Variants in ARHGAP21 observed in about 807,000 individuals in gnomAD.
The protein encoded by ARHGAP21 is Rho GTPase activating protein 21.
ARHGAP21 carries 38 observed loss-of-function variants against 164.6 expected under a neutral mutation model. The ratio of observed to expected loss-of-function variants is 0.23; its 90% confidence interval spans 0.18 to 0.30. The LOEUF is 0.30. ARHGAP21 is among the 10% of genes least tolerant of loss of function. The probability of loss-of-function intolerance (pLI) is 1.00; values close to 1 mark genes in which losing one functional copy is unlikely to be tolerated. For synonymous variants in ARHGAP21, 766 were observed against 857.9 expected, an observed-to-expected ratio of 0.89 and a Z score of 1.87; for missense variants, 1,822 against 2,370.7, an observed-to-expected ratio of 0.77 and a Z score of 4.81.
chr10:24,648,032 G>A (rs1474819327), intron 4 of ARHGAP21, among the ~76,000 whole-genome samples: 1 of 152,076 alleles, frequency 6.6e-6, no homozygotes, highest in Non-Finnish European at 1.5e-5. Flanking sequence ...AGAGACGAGG[G>A]TTTCACTGTG....
intron 2 of ARHGAP21, among the ~76,000 whole-genome samples, chr10:24,711,116 G>GGGAAGGAAGGAAGGAA (rs1191649348): frequency 6.1e-5 from 7 of 114,992 alleles, no homozygotes; most frequent in African/African-American, 2.4e-4. Flanking sequence ...AAAAAAAAAA[G>GGGAAGGAAGGAAGGAA]GGAAGGAAGG....
intron 2 of ARHGAP21, among the ~76,000 whole-genome samples, chr10:24,691,006 T>C (rs551679824): frequency 6.6e-6 from 1 of 152,104 alleles, no homozygotes; most frequent in African/African-American, 2.4e-5. Flanking sequence ...ACAGCTCTCA[T>C]ATAAAATTAC....
intron 2 of ARHGAP21, among the ~76,000 whole-genome samples, chr10:24,704,731 A>T (rs995691994): frequency 6.6e-6 from 1 of 151,962 alleles, no homozygotes; most frequent in African/African-American, 2.4e-5. Flanking sequence ...GGCCTCCCAA[A>T]GTGCTAGGAT....
chr10:24,584,733 C>T lies in ARHGAP21; in HGVS notation c.5556G>A (p.Trp1852Ter). 1 of 1,613,932 alleles carries T rather than the reference C, an allele frequency of 6.2e-7. No individual in the cohort carries two copies. Among genetic ancestry groups the T allele is most frequent in the Non-Finnish European group, 8.5e-7 (1 of 1,179,850 alleles). Reference protein sequence around the residue: ...CSAQDLSISDWLARERLRTST... With the variant: ...CSAQDLSISD ...TGGTGCGTAGGCGTTCCCTGGCCAG[C>T]CAGTCTGAGATGGAAAGGTCCTGGG... Residue 1852 changes from tryptophan to a stop codon, truncating the protein, a stop_gained, in exon 26 of 26, where the codon TGG becomes TGA. Coordinates refer to ENST00000396432, the MANE Select transcript of ARHGAP21 (RefSeq NM_020824.4). LOFTEE classifies it low-confidence loss of function (END_TRUNC).
At chr10:24,621,959 A>C (rs542739077) in intron 8 of ARHGAP21, among the ~76,000 whole-genome samples, 1 of 152,326 alleles carries the variant, frequency 6.6e-6, no homozygotes, top group Non-Finnish European at 1.5e-5. Flanking sequence ...TGCAAGTTTA[A>C]GAAATAAAGC....
chr10:24,635,882 AAATGTAAC>A (rs1836333972), intron 4 of ARHGAP21, among the ~76,000 whole-genome samples: 1 of 152,216 alleles, frequency 6.6e-6, no homozygotes, highest in African/African-American at 2.4e-5. Context: ...CTAAGCATTA[AAATGTAAC>A]AATGAACAAG....
chr10:24,628,225 C>A (rs753175534), intron 7 of ARHGAP21, among the ~76,000 whole-genome samples: 1 of 152,222 alleles, frequency 6.6e-6, no homozygotes, highest in Non-Finnish European at 1.5e-5. Flanking sequence ...AGGAAAATTA[C>A]TGCAGCAAAC....
intron 17 of ARHGAP21, 120 bp downstream of exon 17, chr10:24,596,620 G>A: frequency 7.2e-7 from 1 of 1,391,828 alleles, no homozygotes; most frequent in South Asian, 1.3e-5. Flanking sequence ...ACTAAGGTCT[G>A]CTATGAAAAG....
At position 24,597,478 on chromosome 10, in the gene ARHGAP21, C is replaced by T. The variant is rs1177712667; in HGVS notation, c.3303G>A (p.Lys1101=). ...TGAGAAGTTTCCTTTCCGACTCTTC[C>T]TTCGGAGAGTGTGGGCTTTGAGTCT... ...EPKTQSPHSP[K]EESERKLLSK... is the part of the protein sequence containing the mutation. The change falls in exon 16 of 26, where the codon AAG becomes AAA. Residue 1101 remains lysine, a synonymous_variant. Transcript: ENST00000396432. The T allele has an allele frequency of 1.2e-6, 2 of 1,613,930 alleles. No individual in the cohort carries two copies. Among genetic ancestry groups the T allele is most frequent in the Non-Finnish European group, 1.7e-6 (2 of 1,179,924 alleles).
At chr10:24,697,764 G>A (rs971136318) in intron 2 of ARHGAP21, among the ~76,000 whole-genome samples, 1 of 152,102 alleles carries the variant, frequency 6.6e-6, no homozygotes. Flanking sequence ...GGAGGCTGAG[G>A]CAGGAGAATC....
At chr10:24,648,261 C>CTA (rs542296219) in intron 4 of ARHGAP21, among the ~76,000 whole-genome samples, 99 of 152,318 alleles carry the variant, frequency 6.5e-4, no homozygotes, top group African/African-American at 2.4e-3. Context: ...ACTTGTTTAC[C>CTA]ACATAGCATG....
At chr10:24,714,171 T>C (rs986012435) in intron 2 of ARHGAP21, 4 of 152,226 alleles carry the variant, frequency 2.6e-5, no homozygotes, top group Admixed American at 2.0e-4. Flanking sequence ...AATAGCTGCA[T>C]TGAATAACAG....
intron 4 of ARHGAP21, among the ~76,000 whole-genome samples, chr10:24,638,358 T>C (rs1431781054): frequency 6.6e-6 from 1 of 152,272 alleles, no homozygotes; most frequent in Non-Finnish European, 1.5e-5. Flanking sequence ...ACTTGACTCA[T>C]GAATTTTAAG....
At chr10:24,650,055 A>C (rs1838001298) in intron 4 of ARHGAP21, among the ~76,000 whole-genome samples, 1 of 152,144 alleles carries the variant, frequency 6.6e-6, no homozygotes, top group South Asian at 2.1e-4. Flanking sequence ...AAAAAGAAAA[A>C]CTAGAGAATT....
chr10:24,647,114 T>C (rs1837650253), intron 4 of ARHGAP21, among the ~76,000 whole-genome samples: 1 of 152,226 alleles, frequency 6.6e-6, no homozygotes, highest in South Asian at 2.1e-4. Context: ...TTAAATTTCA[T>C]TTATTTTCTT....
At chr10:24,630,865 C>CA (rs1456460557) in intron 6 of ARHGAP21, among the ~76,000 whole-genome samples, 1 of 152,206 alleles carries the variant, frequency 6.6e-6, no homozygotes, top group African/African-American at 2.4e-5. Flanking sequence ...GCTTTACTGT[C>CA]ACAACTACTG....
At chr10:24,709,459 C>T (rs534354467) in intron 2 of ARHGAP21, among the ~76,000 whole-genome samples, 2 of 152,066 alleles carry the variant, frequency 1.3e-5, no homozygotes, top group Non-Finnish European at 2.9e-5. Flanking sequence ...GAAAAGGGGG[C>T]GGGCACTGCG....
At chr10:24,667,031 TAC>T in intron 3 of ARHGAP21, 22 bp from the exon 4 acceptor site, 2 of 1,239,306 alleles carry the variant, frequency 1.6e-6, no homozygotes, top group Non-Finnish European at 2.3e-6. Context: ...AATATATATA[TAC>T]ATATATGAGT....
At chr10:24,660,096 ATCC>A (rs1839520574) in intron 4 of ARHGAP21, among the ~76,000 whole-genome samples, 9 of 152,138 alleles carry the variant, frequency 5.9e-5, no homozygotes, top group Admixed American at 5.9e-4. Flanking sequence ...TTCCTAAAAT[ATCC>A]TCAAGAATAT....
Sources: gnomAD v4.1 joint callset for allele counts (sites outside exome capture counted in the v4.1 genomes callset) on GRCh38, gnomAD v4.1.1 for gene constraint, MANE v1.5 for transcripts, NCBI Gene and HGNC (gene_info 2026-07-23, HGNC 2026-07-21) for gene names.